MET: variants seen among roughly 807,000 people sequenced by gnomAD.
The protein encoded by MET is hepatocyte growth factor receptor.
MET carries 48 observed loss-of-function variants against 133.1 expected under a neutral mutation model. The ratio of observed to expected loss-of-function variants is 0.36; its 90% CI spans 0.29 to 0.46. The LOEUF (loss-of-function observed/expected upper bound fraction) is 0.46, where lower values mean the gene tolerates loss of function less well. MET is among the 20% of genes least tolerant of loss of function. MET has a pLI of 1.00. For missense variants in MET, 1,442 were observed against 1,695.9 expected, an observed-to-expected ratio of 0.85 and a Z score of 2.63; for synonymous variants, 628 against 616.5, an observed-to-expected ratio of 1.02 and a Z score of -0.28.
At chr7:116,724,026 A>G in intron 2 of MET, 1 of 162,070 alleles carries the variant, frequency 6.2e-6, no homozygotes, top group Non-Finnish European at 1.3e-5. Flanking sequence ...TCTAGCTTCC[A>G]GGCTGCTTTG....
intron 1 of MET, among the ~76,000 whole-genome samples, chr7:116,684,636 G>A (rs1308281877): frequency 6.6e-6 from 1 of 152,162 alleles, no homozygotes; most frequent in East Asian, 1.9e-4. Context: ...CCATAAAGAG[G>A]GATCCACATG....
intron 2 of MET, among the ~76,000 whole-genome samples, chr7:116,718,980 T>G (rs1273724771): frequency 6.7e-3 from 852 of 127,958 alleles, no homozygotes; most frequent in South Asian, 0.011. Flanking sequence ...TATAGCAGCA[T>G]GATTTATAGT....
At chr7:116,700,786 T>C (rs1167148208) in intron 2 of MET, among the ~76,000 whole-genome samples, 1 of 152,234 alleles carries the variant, frequency 6.6e-6, no homozygotes, top group East Asian at 1.9e-4. Flanking sequence ...TCTATATTCT[T>C]GACATTACTT....
chr7:116,690,875 A>T (rs1336021644), intron 1 of MET, among the ~76,000 whole-genome samples: 1 of 152,230 alleles, frequency 6.6e-6, no homozygotes, highest in Non-Finnish European at 1.5e-5. Flanking sequence ...ATATGATATA[A>T]TGTAATATGA....
intron 3 of MET, 97 bp from the exon 4 acceptor site, chr7:116,739,853 C>T (rs2116824111): frequency 1.3e-6 from 2 of 1,543,076 alleles, no homozygotes; most frequent in South Asian, 1.1e-5. Context: ...ACCCACAAGC[C>T]CTGCTAATCT....
At chr7:116,687,355 T>C (rs966283224) in intron 1 of MET, among the ~76,000 whole-genome samples, 3 of 152,270 alleles carry the variant, frequency 2.0e-5, no homozygotes, top group Non-Finnish European at 4.4e-5. Flanking sequence ...ATCCTAGTTT[T>C]ATGAGAATCT....
intron 10 of MET, among the ~76,000 whole-genome samples, chr7:116,762,469 A>G (rs1479224444): frequency 6.6e-6 from 1 of 152,214 alleles, no homozygotes; most frequent in African/African-American, 2.4e-5. Context: ...AATAATTAAT[A>G]GCTTAAAAGA....
chr7:116,681,904 T>C (rs1324628450), intron 1 of MET, among the ~76,000 whole-genome samples: 1 of 152,014 alleles, frequency 6.6e-6, no homozygotes, highest in Non-Finnish European at 1.5e-5. Flanking sequence ...TAATTTGTAT[T>C]ATGTAAAGAA....
chr7:116,747,820 TACA>T (rs1793750603), intron 5 of MET, among the ~76,000 whole-genome samples: 2 of 152,206 alleles, frequency 1.3e-5, no homozygotes, highest in Admixed American at 6.5e-5. Flanking sequence ...CAGTAGAATA[TACA>T]TTCTTCTCAG....
chr7:116,708,506 T>C (rs1791880354), intron 2 of MET, among the ~76,000 whole-genome samples: 1 of 152,184 alleles, frequency 6.6e-6, no homozygotes, highest in Non-Finnish European at 1.5e-5. Context: ...GAATTTAACT[T>C]TTTAAAACAT....
intron 19 of MET, among the ~76,000 whole-genome samples, chr7:116,783,965 A>T (rs1795229230): frequency 6.6e-6 from 1 of 152,220 alleles, no homozygotes; most frequent in Admixed American, 6.5e-5. Flanking sequence ...ACAAGCTCTC[A>T]AAAGGCATGC....
At chr7:116,730,370 T>TA (rs929304849) in intron 2 of MET, among the ~76,000 whole-genome samples, 18 of 152,108 alleles carry the variant, frequency 1.2e-4, no homozygotes, top group African/African-American at 4.1e-4. Context: ...CAGTCCATGT[T>TA]AAAAAAATGT....
At chr7:116,677,685 A>G (rs957003429) in intron 1 of MET, among the ~76,000 whole-genome samples, 1 of 152,086 alleles carries the variant, frequency 6.6e-6, no homozygotes, top group African/African-American at 2.4e-5. Context: ...CTGCTTCTAC[A>G]AAATATTTTA....
intron 1 of MET, among the ~76,000 whole-genome samples, chr7:116,697,970 G>A (rs1386556933): frequency 6.6e-6 from 1 of 152,196 alleles, no homozygotes; most frequent in African/African-American, 2.4e-5. Context: ...GCACATACCA[G>A]CTGCTCAGTG....
chr7:116,704,322 C>T (rs1791699888), intron 2 of MET, among the ~76,000 whole-genome samples: 1 of 152,008 alleles, frequency 6.6e-6, no homozygotes, highest in Non-Finnish European at 1.5e-5. Flanking sequence ...AATCTGAACC[C>T]CACCGTCTTC....
chr7:116,791,000 C>T (rs1004633827), intron 19 of MET, among the ~76,000 whole-genome samples: 2 of 152,148 alleles, frequency 1.3e-5, no homozygotes, highest in Non-Finnish European at 2.9e-5. Context: ...GTTGCTTGAA[C>T]CCTGGATGCA....
At chr7:116,692,688 C>T (rs1796815232) in intron 1 of MET, among the ~76,000 whole-genome samples, 1 of 152,170 alleles carries the variant, frequency 6.6e-6, no homozygotes, top group African/African-American at 2.4e-5. Context: ...AAAGGAAGTA[C>T]TCCTAAATAT....
chr7:116,725,758 TTATAAG>T (rs1792726949), intron 2 of MET, among the ~76,000 whole-genome samples: 2 of 150,922 alleles, frequency 1.3e-5, no homozygotes, highest in Admixed American at 1.3e-4. Flanking sequence ...AAATATGTCT[TTATAAG>T]TATACAAATA....
In MET at chr7:116,796,410, G is replaced by A. The variant is rs1306054463; in HGVS notation, c.*286G>A. On this transcript the variant is annotated 3_prime_UTR_variant, in exon 21 of 21. Coordinates refer to ENST00000397752, the MANE Select transcript of MET (RefSeq NM_000245.4). ...TCTGGGTTGAATTTTTTAAAAATCA[G>A]GTACCACTTGATTTCATATGGGAAA... 3 of 486,550 alleles carry A rather than the reference G, an allele frequency of 6.2e-6. No homozygotes were observed. Among genetic ancestry groups the A allele is most frequent in the African/African-American group, 1.9e-5 (1 of 52,258 alleles). 30.1% of individuals were successfully genotyped at this position (486,550 alleles called of 1,614,324 possible).
Sources: allele counts gnomAD v4.1 joint callset (sites outside exome capture counted in the v4.1 genomes callset), GRCh38; gene constraint gnomAD v4.1.1; transcripts MANE v1.5; gene names NCBI Gene and HGNC (gene_info 2026-07-23, HGNC 2026-07-21).